The following DNAL4 variants were observed in gnomAD, a reference collection of about 807,000 sequenced individuals.
The protein encoded by DNAL4 is dynein light chain, outer arm 4.
In DNAL4, 10 loss-of-function variants were observed where a neutral mutation model predicts 12.6. The observed-to-expected ratio is 0.79, with a 90% CI of 0.49 to 1.34. The LOEUF is 1.34. Ranked by LOEUF, DNAL4 falls within the 40% of genes most tolerant of loss-of-function variation. DNAL4 has a pLI of 0.00. For missense variants in DNAL4, 128 were observed against 138.1 expected, an observed-to-expected ratio of 0.93 and a Z score of 0.37; for synonymous variants, 46 against 53.1, an observed-to-expected ratio of 0.87 and a Z score of 0.58.
Position 38,779,642 on chromosome 22 carries a change from G to C in DNAL4, c.154-29C>G, listed in dbSNP as rs772385574. ...GAAGGAAGAGGGCACTTATCAAGGG[G>C]GCGCAGGGCAGGTGGGGGCAGGAGT... On this transcript the variant is annotated intron_variant, in intron 3 of 3. Coordinates refer to ENST00000216068, the MANE Select transcript of DNAL4 (RefSeq NM_005740.3). This position sits in a 1 kb window ranked among gnomAD's most constrained non-coding sequence, Gnocchi z 4.3. 1.3e-6 allele frequency: 2 copies of C among 1,580,442 alleles called. No homozygotes were observed. The highest frequency in any genetic ancestry group is 2.7e-5 in the African/African-American group (2 of 74,108).
At chr22:38,780,853 G>A (rs754304945) in intron 3 of DNAL4, 73 bp downstream of exon 3, 55 of 1,498,708 alleles carry the variant, frequency 3.7e-5, no homozygotes, top group Non-Finnish European at 4.7e-5. Flanking sequence ...CCAACTGCAG[G>A]GAACAGGGGC....
At chr22:38,792,557 A>C in intron 1 of DNAL4, among the ~76,000 whole-genome samples, 1 of 152,202 alleles carries the variant, frequency 6.6e-6, no homozygotes. Context: ...TGCTGGGATT[A>C]ATAGGCGTGA....
At chr22:38,781,972 T>C (rs2093035024) in intron 2 of DNAL4, among the ~76,000 whole-genome samples, 1 of 152,228 alleles carries the variant, frequency 6.6e-6, no homozygotes, top group Admixed American at 6.5e-5. Context: ...GAGTGAGCTT[T>C]TGAAAACCAA....
chr22:38,792,788 A>G (rs908583138), intron 1 of DNAL4, among the ~76,000 whole-genome samples: 44 of 152,240 alleles, frequency 2.9e-4, no homozygotes, highest in Middle Eastern at 6.8e-3. Flanking sequence ...ATACCTCCTG[A>G]AGGACCTATC....
intron 1 of DNAL4, among the ~76,000 whole-genome samples, chr22:38,788,406 C>A (rs762002904): frequency 1.3e-5 from 2 of 152,104 alleles, no homozygotes; most frequent in African/African-American, 4.8e-5. Context: ...TTTACGTGGT[C>A]CTTATTTTTT....
At position 38,780,913 on chromosome 22, in the gene DNAL4, C is replaced by T. The variant is rs2093033308; in HGVS notation, c.153+13G>A. The T allele has an allele frequency of 6.2e-7, 1 of 1,614,040 alleles. No homozygotes were observed. Among genetic ancestry groups the T allele is most frequent in the African/African-American group, 1.3e-5 (1 of 74,954 alleles). On this transcript the variant is annotated intron_variant, in intron 3 of 3. Coordinates refer to ENST00000216068, the MANE Select transcript of DNAL4 (RefSeq NM_005740.3). ...TCAAAAGCACGAGGGGCCGCCTGCA[C>T]TGCTGGCAATACCTCGTTGTTGTTG...
intron 1 of DNAL4, among the ~76,000 whole-genome samples, chr22:38,787,699 C>A (rs1264524675): frequency 6.6e-6 from 1 of 152,238 alleles, no homozygotes; most frequent in East Asian, 1.9e-4. Flanking sequence ...CCACTATGTG[C>A]AAACCACTGT....
Position 38,782,158 on chromosome 22 carries a change from C to T in DNAL4, c.69+505G>A, listed in dbSNP as rs1797699572. On this transcript the variant is annotated intron_variant, in intron 2 of 3. Transcript: ENST00000216068. The surrounding 1 kb of genome is among the most constrained non-coding windows in gnomAD (Gnocchi z 5.1). ...CAGCACTCCATTCCAGCCATGCTGG[C>T]CTTCTCTCTGTGCCTCCAAAATGCC... is the stretch of plus-strand genomic sequence containing the variant. Among the ~76,000 whole-genome samples the T allele has an allele frequency of 6.6e-6, 1 of 152,192 alleles. No homozygotes were observed. The highest frequency in any genetic ancestry group is 1.5e-5 in the Non-Finnish European group (1 of 68,040).
chr22:38,785,220 C>T (rs2093040462), intron 1 of DNAL4: 1 of 152,164 alleles, frequency 6.6e-6, no homozygotes, highest in African/African-American at 2.4e-5. Flanking sequence ...TTTCCAATTC[C>T]AGGCTGTCCT....
Position 38,782,022 on chromosome 22 carries a change from T to C in DNAL4, c.69+641A>G, listed in dbSNP as rs2093035086. Among the ~76,000 whole-genome samples the C allele has an allele frequency of 6.6e-6, 1 of 152,170 alleles. No homozygotes were observed. The highest frequency in any genetic ancestry group is 6.5e-5 in the Admixed American group (1 of 15,292). On this transcript the variant is annotated intron_variant, in intron 2 of 3. Transcript: ENST00000216068. This position sits in a 1 kb window ranked among gnomAD's most constrained non-coding sequence, Gnocchi z 5.1. Reference sequence around the variant, plus strand: ...TCCCCTGCTTAAAACCCTTCAGTGTTCCCCCTTCGATTCAGGACAGAACCC... The same window carrying C: ...TCCCCTGCTTAAAACCCTTCAGTGTCCCCCCTTCGATTCAGGACAGAACCC...
intron 1 of DNAL4, among the ~76,000 whole-genome samples, chr22:38,787,399 G>A (rs1454266253): frequency 6.6e-6 from 1 of 151,784 alleles, no homozygotes; most frequent in East Asian, 1.9e-4. Flanking sequence ...GCGCCACCAC[G>A]CCTGGCTAAT....
At position 38,782,483 on chromosome 22, in the gene DNAL4, GTGAA is replaced by G. The variant is rs889340971; in HGVS notation, c.69+176_69+179del. ...CATAGAGTAGGTGGCCCAATACTTG[GTGAA>G]TGAATGAATGAATGAAACAATGAAT... On this transcript the variant is annotated intron_variant, in intron 2 of 3. Coordinates refer to ENST00000216068, the MANE Select transcript of DNAL4 (RefSeq NM_005740.3). The surrounding 1 kb of genome is among the most constrained non-coding windows in gnomAD (Gnocchi z 5.1). Among the ~76,000 whole-genome samples the G allele has an allele frequency of 1.3e-5, 2 of 152,190 alleles. No homozygotes were observed. The highest frequency in any genetic ancestry group is 2.4e-5 in the African/African-American group (1 of 41,450).
intron 1 of DNAL4, among the ~76,000 whole-genome samples, chr22:38,783,380 G>GGGCCTTCCCTCCCACTA (rs2093037474): frequency 1.5e-5 from 1 of 65,526 alleles, no homozygotes; most frequent in African/African-American, 5.4e-5. Context: ...CCCTCCCACT[G>GGGCCTTCCCTCCCACTA]CATACACGGG....
intron 1 of DNAL4, chr22:38,785,254 T>C (rs2093040533): frequency 6.6e-6 from 1 of 152,202 alleles, no homozygotes; most frequent in African/African-American, 2.4e-5. Flanking sequence ...CTTCCTCCTC[T>C]ACCTTTGTCC....
chr22:38,791,422 C>A lies in DNAL4; in HGVS notation c.-140+2646G>T, dbSNP rs1017160812. ...AGGCTGGAGTGCAAAGCCGTGATCT[C>A]GGCTCACTGCAACCTCCGCCGCCTG... On this transcript the variant is annotated intron_variant, in intron 1 of 3. Transcript: ENST00000216068. Among the ~76,000 whole-genome samples, 5 of 152,104 alleles carry A rather than the reference C, an allele frequency of 3.3e-5. No individual in the cohort carries two copies. In the South Asian group the frequency reaches 8.3e-4, roughly 25 times the overall value.
intron 1 of DNAL4, among the ~76,000 whole-genome samples, chr22:38,788,123 C>G (rs1313647829): frequency 2.6e-5 from 4 of 152,134 alleles, no homozygotes; most frequent in African/African-American, 9.7e-5. Context: ...TCTTCCTTGG[C>G]CTTCTAGCGA....
intron 1 of DNAL4, among the ~76,000 whole-genome samples, chr22:38,783,681 G>A (rs954000411): frequency 6.6e-6 from 1 of 152,190 alleles, no homozygotes; most frequent in African/African-American, 2.4e-5. Context: ...GCTGCTGCTG[G>A]TTCAGTCAGT....
intron 1 of DNAL4, among the ~76,000 whole-genome samples, chr22:38,785,102 CAAGCTGGTGAATT>C (rs2093040332): frequency 6.6e-6 from 1 of 152,124 alleles, no homozygotes; most frequent in South Asian, 2.1e-4. Context: ...TCTCTCTCTA[CAAGCTGGTGAATT>C]ACCAAGCACA....
intron 1 of DNAL4, among the ~76,000 whole-genome samples, chr22:38,786,499 C>T (rs183779936): frequency 1.3e-5 from 2 of 152,202 alleles, no homozygotes; most frequent in Non-Finnish European, 2.9e-5. Flanking sequence ...ACAGAGATTG[C>T]GGTGAGCCAA....
Sources: gnomAD v4.1 joint callset for allele counts (sites outside exome capture counted in the v4.1 genomes callset) on GRCh38, gnomAD v4.1.1 for gene constraint, Gnocchi (gnomAD v3.1) non-coding constraint, MANE v1.5 for transcripts, NCBI Gene and HGNC (gene_info 2026-07-23, HGNC 2026-07-21) for gene names.